CD81: variants seen among roughly 807,000 people sequenced by gnomAD.
CD81 encodes CD81 molecule.
A neutral mutation model predicts 30.1 loss-of-function variants in CD81; 10 were observed. The ratio of observed to expected loss-of-function variants is 0.33; its 90% CI spans 0.21 to 0.56. CD81 has a LOEUF of 0.56. CD81 is among the 20% of genes least tolerant of loss of function. The pLI is 0.89. For missense variants in CD81, 263 were observed against 308.7 expected, an observed-to-expected ratio of 0.85 and a Z score of 1.11; for synonymous variants, 147 against 126.4, an observed-to-expected ratio of 1.16 and a Z score of -1.10.
chr11:2,386,538 C>A, intron 1 of CD81: 1 of 717,006 alleles, frequency 1.4e-6, no homozygotes, highest in South Asian at 1.5e-5. Flanking sequence ...ACCATCACCA[C>A]CATTGTTGTC....
intron 1 of CD81, among the ~76,000 whole-genome samples, chr11:2,383,890 G>A (rs1047362248): frequency 1.1e-4 from 17 of 152,218 alleles, no homozygotes; most frequent in South Asian, 2.1e-4. Flanking sequence ...CTGCAGCTGT[G>A]GGGGTGTGTG....
In CD81 at chr11:2,384,700, A is replaced by AGGT. The variant is rs202111817; in HGVS notation, c.67-5710_67-5708dup. The AGGT allele has an allele frequency of 7.9e-3, 1,460 of 185,626 alleles. 30 individuals are homozygous for AGGT. Among genetic ancestry groups the AGGT allele is most frequent in the African/African-American group, 0.033 (1,393 of 41,888 alleles). 11.5% of individuals were successfully genotyped at this position (185,626 alleles called of 1,614,324 possible). ...TCCCACAGGTGAGCTTTGAGCAGGG[A>AGGT]GGTGCCTGTATGGATGGCTCTGTGG... On this transcript the variant is annotated intron_variant, in intron 1 of 7. Transcript: ENST00000263645.
At chr11:2,379,237 G>A (rs1485309716) in intron 1 of CD81, 1 of 449,486 alleles carries the variant, frequency 2.2e-6, no homozygotes, top group Non-Finnish European at 4.5e-6. Flanking sequence ...GGGGGCTGAG[G>A]GAGACTGTGG....
rs1334581263 is a variant in CD81 at position 2,379,355 on chromosome 11, G to A, written c.66+1740G>A. 13 of 371,830 alleles carry A rather than the reference G, an allele frequency of 3.5e-5. No individual in the cohort carries two copies. In the East Asian group the frequency reaches 1.0e-3, roughly 29 times the overall value. 23.0% of individuals were successfully genotyped at this position (371,830 alleles called of 1,614,324 possible). ...GAGGGAGAGTGTGGACCTGGGAGTA[G>A]GGGCTGAGGGAGGGTGTAGGCCTGG... On this transcript the variant is annotated intron_variant, in intron 1 of 7. Coordinates refer to ENST00000263645, the MANE Select transcript of CD81 (RefSeq NM_004356.4).
At chr11:2,388,683 A>G (rs924123432) in intron 1 of CD81, among the ~76,000 whole-genome samples, 5 of 152,226 alleles carry the variant, frequency 3.3e-5, no homozygotes, top group Non-Finnish European at 7.3e-5. Context: ...CTCTGGGAGC[A>G]GCTGCCTTCT....
chr11:2,377,652 A>C lies in CD81; in HGVS notation c.66+37A>C. On this transcript the variant is annotated intron_variant, in intron 1 of 7. Coordinates refer to ENST00000263645, the MANE Select transcript of CD81 (RefSeq NM_004356.4). This position sits in a 1 kb window ranked among gnomAD's most constrained non-coding sequence, Gnocchi z 7.7. Reference sequence around the variant, plus strand: ...GCCGGGGGCCGGGGCGGGAGGGGGCAGGCACACACTCCACGTTGGGCAGGT... The same window carrying C: ...GCCGGGGGCCGGGGCGGGAGGGGGCCGGCACACACTCCACGTTGGGCAGGT... 7.3e-7 allele frequency: 1 copy of C among 1,361,436 alleles called. No individual in the cohort carries two copies. Among genetic ancestry groups the C allele is most frequent in the East Asian group, 2.9e-5 (1 of 34,480 alleles). The allele number at this position is 1,361,436 out of a possible 1,614,324, so 84.3% of individuals were successfully genotyped here.
At position 2,377,812 on chromosome 11, in the gene CD81, G is replaced by A; in HGVS notation, c.66+197G>A. 1 of 277,814 alleles carries A rather than the reference G, an allele frequency of 3.6e-6. No homozygotes were observed. 17.2% of individuals were successfully genotyped at this position (277,814 alleles called of 1,614,324 possible). A position where few individuals can be genotyped will look rare whatever the true frequency, so the allele number is the denominator to read the frequency against. ...CCGACATTGGGGCTGAGGGCTGCGA[G>A]CCGAGTTTCGGGGCCTCTGTGCTCG... On this transcript the variant is annotated intron_variant, in intron 1 of 7. Transcript: ENST00000263645. This position sits in a 1 kb window ranked among gnomAD's most constrained non-coding sequence, Gnocchi z 7.7.
chr11:2,396,076 A>G (rs1849995664), intron 6 of CD81, 106 bp downstream of exon 6: 1 of 595,626 alleles, frequency 1.7e-6, no homozygotes, highest in South Asian at 1.5e-5. Context: ...GAGCGACCAC[A>G]CTGGGTGGCA....
chr11:2,387,554 C>T lies in CD81; in HGVS notation c.67-2858C>T, dbSNP rs553979430. Among the ~76,000 whole-genome samples, 75 of 152,238 alleles carry T rather than the reference C, an allele frequency of 4.9e-4. 1 individual carries two copies. In the South Asian group the frequency reaches 0.013, roughly 26 times the overall value. On this transcript the variant is annotated intron_variant, in intron 1 of 7. Transcript: ENST00000263645. ...TCTGGGGCCACCCCCCAGCCCCCACCCTTCCTGCCTCTCCTGCACTGTCCA... is the reference window on the plus strand; with the variant it reads ...TCTGGGGCCACCCCCCAGCCCCCACTCTTCCTGCCTCTCCTGCACTGTCCA...
At chr11:2,395,770 G>T in intron 5 of CD81, 99 bp from the exon 6 acceptor site, 1 of 846,326 alleles carries the variant, frequency 1.2e-6, no homozygotes, top group South Asian at 1.3e-5. Flanking sequence ...TCTGCAGTGG[G>T]GAGCGCTGCG....
chr11:2,380,436 C>G (rs919787407), intron 1 of CD81, among the ~76,000 whole-genome samples: 2 of 152,138 alleles, frequency 1.3e-5, no homozygotes, highest in Non-Finnish European at 2.9e-5. Flanking sequence ...TGCACACACA[C>G]ACACTCCCAC....
chr11:2,390,205 C>T, intron 1 of CD81: 1 of 649,500 alleles, frequency 1.5e-6, no homozygotes, highest in Admixed American at 2.1e-5. Context: ...GGCCAGGCTC[C>T]AAGTAGATGG....
intron 3 of CD81, 60 bp from the exon 4 acceptor site, chr11:2,394,912 T>C: frequency 6.7e-7 from 1 of 1,491,964 alleles, no homozygotes; most frequent in East Asian, 2.3e-5. Flanking sequence ...TGGGTGTGTG[T>C]CCTTGGGCCC....
chr11:2,379,204 G>A (rs1277329095), intron 1 of CD81: 4 of 453,566 alleles, frequency 8.8e-6, no homozygotes, highest in South Asian at 4.7e-5. Context: ...GTCCCCTGAC[G>A]AGGCGAGTGT....
rs1341030534 is a variant in CD81 at position 2,378,478 on chromosome 11, T to C, written c.66+863T>C. Among the ~76,000 whole-genome samples the C allele has an allele frequency of 1.3e-5, 2 of 152,208 alleles. No homozygotes were observed. The highest frequency in any genetic ancestry group is 6.5e-5 in the Admixed American group (1 of 15,290). On this transcript the variant is annotated intron_variant, in intron 1 of 7. Coordinates refer to ENST00000263645, the MANE Select transcript of CD81 (RefSeq NM_004356.4). This position sits in a 1 kb window ranked among gnomAD's most constrained non-coding sequence, Gnocchi z 4.9. Reference sequence around the variant, plus strand: ...GAGGGGCCCCCACGCTGGGCATCTTTGGGTGCCAGCGTGGGTGGAGGAGGG... The same window carrying C: ...GAGGGGCCCCCACGCTGGGCATCTTCGGGTGCCAGCGTGGGTGGAGGAGGG...
In CD81 at chr11:2,390,432, G is replaced by C. The variant is rs2133455581; in HGVS notation, c.87G>C (p.Leu29=). The change falls in exon 2 of 8, where the codon CTG becomes CTC. Residue 29 remains leucine, a synonymous_variant. Coordinates refer to ENST00000263645, the MANE Select transcript of CD81 (RefSeq NM_004356.4). ...CCCAGCTGGCTGGAGGCGTGATCCT[G>C]GGTGTGGCCCTGTGGCTCCGCCATG... ...FVFWLAGGVI[L]GVALWLRHDP... The C allele has an allele frequency of 1.9e-6, 3 of 1,612,802 alleles. No individual in the cohort carries two copies. The highest frequency in any genetic ancestry group is 2.5e-6 in the Non-Finnish European group (3 of 1,179,902).
At chr11:2,386,704 G>T in intron 1 of CD81, 1 of 698,478 alleles carries the variant, frequency 1.4e-6, no homozygotes, top group South Asian at 1.5e-5. Context: ...GGTGGCTCCC[G>T]ACTACTTCTG....
At chr11:2,390,024 C>T (rs988417932) in intron 1 of CD81, 1 of 360,634 alleles carries the variant, frequency 2.8e-6, no homozygotes, top group East Asian at 7.1e-5. Flanking sequence ...ATCCAATTCA[C>T]CTTGAACTTC....
chr11:2,389,973 G>C, intron 1 of CD81: 1 of 333,824 alleles, frequency 3.0e-6, no homozygotes, highest in South Asian at 2.5e-5. Flanking sequence ...TCAGGTCCTG[G>C]TATCACCTCT....
Sources: allele counts gnomAD v4.1 joint callset (sites outside exome capture counted in the v4.1 genomes callset), GRCh38; gene constraint gnomAD v4.1.1; non-coding constraint Gnocchi (gnomAD v3.1); transcripts MANE v1.5; gene names NCBI Gene and HGNC (gene_info 2026-07-23, HGNC 2026-07-21).